ILKAP: variants seen among roughly 807,000 people sequenced by gnomAD.
ILKAP encodes the protein ILK associated serine/threonine phosphatase.
Under a neutral mutation model 49.1 loss-of-function variants are expected in ILKAP, and 11 were observed. The ratio of observed to expected loss-of-function variants is 0.22; its 90% CI spans 0.14 to 0.37. ILKAP has a LOEUF of 0.37. Among genes scored for constraint, ILKAP ranks in the 10% least tolerant of loss-of-function variants. The probability of loss-of-function intolerance (pLI) is 1.00; values close to 1 mark genes in which losing one functional copy is unlikely to be tolerated. For synonymous variants in ILKAP, 186 were observed against 192.8 expected (o/e 0.96, Z 0.29); for missense variants, 363 against 510.8 (o/e 0.71, Z 2.79).
intron 10 of ILKAP, among the ~76,000 whole-genome samples, chr2:238,173,110 C>T (rs1310303833): frequency 1.3e-5 from 2 of 152,164 alleles, no homozygotes; most frequent in African/African-American, 4.8e-5. Flanking sequence ...GGCTGAGGGC[C>T]GGCCCTTCAG....
intron 1 of ILKAP, among the ~76,000 whole-genome samples, chr2:238,198,297 G>A (rs1460493574): frequency 6.6e-6 from 1 of 151,738 alleles, no homozygotes; most frequent in Admixed American, 6.6e-5. Context: ...GGAGTGCAGT[G>A]GTGTGATCAC....
intron 1 of ILKAP, among the ~76,000 whole-genome samples, chr2:238,203,221 C>A (rs1334735037): frequency 6.6e-6 from 1 of 151,054 alleles, no homozygotes. Context: ...GCGCCTTTCA[C>A]CGCCACGCAG....
At chr2:238,182,734 A>C (rs556638992) in intron 8 of ILKAP, among the ~76,000 whole-genome samples, 1 of 152,296 alleles carries the variant, frequency 6.6e-6, no homozygotes, top group South Asian at 2.1e-4. Flanking sequence ...CCAGGATTCA[A>C]ATTTGGGTCT....
chr2:238,200,408 G>T (rs1181466824), intron 1 of ILKAP, among the ~76,000 whole-genome samples: 1 of 152,182 alleles, frequency 6.6e-6, no homozygotes, highest in African/African-American at 2.4e-5. Flanking sequence ...AAAATAAAAA[G>T]ATCTAAACAA....
At chr2:238,195,428 TA>T (rs71043115) in intron 1 of ILKAP, among the ~76,000 whole-genome samples, 41,850 of 151,958 alleles carry the variant, frequency 0.28, 6,167 homozygotes, top group South Asian at 0.37. Context: ...ATGGAGAAAA[TA>T]AAGGAGTTTC....
At chr2:238,189,242 G>T (rs533425538) in intron 4 of ILKAP, among the ~76,000 whole-genome samples, 1 of 152,052 alleles carries the variant, frequency 6.6e-6, no homozygotes, top group East Asian at 1.9e-4. Flanking sequence ...ATGAACCCGG[G>T]AGGCGGAGCT....
At chr2:238,186,252 T>C (rs1325674189) in intron 5 of ILKAP, 1 of 152,262 alleles carries the variant, frequency 6.6e-6, no homozygotes, top group African/African-American at 2.4e-5. Flanking sequence ...AGCATGTTAC[T>C]GCACTAAATA....
At chr2:238,174,453 C>T (rs1693359641) in intron 9 of ILKAP, among the ~76,000 whole-genome samples, 1 of 152,224 alleles carries the variant, frequency 6.6e-6, no homozygotes, top group Non-Finnish European at 1.5e-5. Flanking sequence ...CCATACTCAA[C>T]GTGTGAGAGA....
Position 238,188,486 on chromosome 2 carries a change from A to C in ILKAP, c.299-229T>G. On this transcript the variant is annotated intron_variant, in intron 4 of 11. Coordinates refer to ENST00000254654, the MANE Select transcript of ILKAP (RefSeq NM_030768.3). ...TCTAAGAGGTTGCACAGGGACACAA[A>C]AGAGGAGTCAGTGAGCACAAAACAA... 6.6e-6 allele frequency: 3 copies of C among 452,260 alleles called. No homozygotes were observed. The East Asian group carries it at 1.1e-4, about 17-fold the overall frequency. The allele number at this position is 452,260 out of a possible 1,614,324, so 28.0% of individuals were successfully genotyped here.
At chr2:238,176,668 G>GAC (rs1693473666) in intron 9 of ILKAP, among the ~76,000 whole-genome samples, 1 of 149,432 alleles carries the variant, frequency 6.7e-6, no homozygotes, top group South Asian at 2.1e-4. Context: ...TTTCTCCAGA[G>GAC]AGAGAGAGAG....
At chr2:238,181,359 G>T (rs995857202) in intron 9 of ILKAP, among the ~76,000 whole-genome samples, 1 of 152,192 alleles carries the variant, frequency 6.6e-6, no homozygotes. Flanking sequence ...GAATTCTAAA[G>T]AAAAGACTTA....
At chr2:238,202,909 G>A (rs887402841) in intron 1 of ILKAP, among the ~76,000 whole-genome samples, 36 of 150,704 alleles carry the variant, frequency 2.4e-4, no homozygotes, top group African/African-American at 8.3e-4. Context: ...AAAAACTACT[G>A]TTAATTATCA....
chr2:238,191,029 A>C (rs1040124289), intron 3 of ILKAP, among the ~76,000 whole-genome samples: 2 of 151,930 alleles, frequency 1.3e-5, no homozygotes, highest in Non-Finnish European at 1.5e-5. Flanking sequence ...ATCACAGTTT[A>C]CTGCAGCCTC....
rs565988264 is a variant in ILKAP at position 238,181,972 on chromosome 2, G to A, written c.836+93C>T. On this transcript the variant is annotated intron_variant, in intron 9 of 11. Transcript: ENST00000254654. Reference sequence around the variant, plus strand: ...AGAGCCTCGTCACACTGAAGACTACGTAACAGGGGAAGTTCTACTCCTTGA... The same window carrying A: ...AGAGCCTCGTCACACTGAAGACTACATAACAGGGGAAGTTCTACTCCTTGA... 1.7e-3 allele frequency: 2,369 copies of A among 1,362,480 alleles called. 4 individuals are homozygous for A. Among genetic ancestry groups the A allele is most frequent in the Non-Finnish European group, 1.6e-3 (1,563 of 978,212 alleles). The allele number at this position is 1,362,480 out of a possible 1,614,324, so 84.4% of individuals were successfully genotyped here.
chr2:238,201,814 C>T (rs544212068), intron 1 of ILKAP, among the ~76,000 whole-genome samples: 1 of 152,156 alleles, frequency 6.6e-6, no homozygotes, highest in Non-Finnish European at 1.5e-5. Flanking sequence ...AGAAAAAAGA[C>T]TGCTACACAA....
At position 238,203,688 on chromosome 2, in the gene ILKAP, G is replaced by A. The variant is rs1428858517; in HGVS notation, c.-135C>T. The A allele has an allele frequency of 3.6e-5, 12 of 334,590 alleles. No individual in the cohort carries two copies. The highest frequency in any genetic ancestry group is 1.8e-4 in the African/African-American group (8 of 44,800). 20.7% of individuals were successfully genotyped at this position (334,590 alleles called of 1,614,324 possible). A position where few individuals can be genotyped will look rare whatever the true frequency, so the allele number is the denominator to read the frequency against. On this transcript the variant is annotated 5_prime_UTR_variant, in exon 1 of 12. Coordinates refer to ENST00000254654, the MANE Select transcript of ILKAP (RefSeq NM_030768.3). ...CGGCCGGCGCCGTCAGTCACCTGCAGGGAGAGTCCCGGACGCCACCAATCG... is the reference window on the plus strand; with the variant it reads ...CGGCCGGCGCCGTCAGTCACCTGCAAGGAGAGTCCCGGACGCCACCAATCG...
chr2:238,181,963 G>A (rs1693712380), intron 9 of ILKAP, 102 bp downstream of exon 9: 2 of 1,261,622 alleles, frequency 1.6e-6, no homozygotes, highest in Non-Finnish European at 2.2e-6. Flanking sequence ...TCGTCACACT[G>A]AAGACTACGT....
In ILKAP at chr2:238,182,180, A is replaced by T; in HGVS notation, c.721T>A (p.Leu241Met). 2.5e-6 allele frequency: 4 copies of T among 1,613,594 alleles called. No individual in the cohort carries two copies. Among genetic ancestry groups the T allele is most frequent in the Non-Finnish European group, 2.5e-6 (3 of 1,179,596 alleles). The stretch of plus-strand genomic sequence containing the variant: ...TGACTCTCCTCATTATAACGACACA[A>T]GATTGCCTGGGAAGATGGAGATTGT... The part of the protein sequence containing the change: ...IANLGDSRAI[L>M]CRYNEESQKH... Residue 241 changes from leucine to methionine, a missense_variant, in exon 9 of 12, where the codon TTG (leucine) becomes ATG (methionine). Around this residue, in one of 3 missense-constraint regions of ILKAP, gnomAD observed 166 missense variants for 307.3 expected, o/e 0.54. Coordinates refer to ENST00000254654, the MANE Select transcript of ILKAP (RefSeq NM_030768.3).
At chr2:238,173,389 A>G in intron 10 of ILKAP, 145 bp downstream of exon 10, 3 of 1,065,312 alleles carry the variant, frequency 2.8e-6, no homozygotes, top group Non-Finnish European at 4.0e-6. Flanking sequence ...ACCAGAGCAG[A>G]AACCACATTT....
Sources: allele counts gnomAD v4.1 joint callset (sites outside exome capture counted in the v4.1 genomes callset), GRCh38; gene constraint gnomAD v4.1.1; regional missense constraint gnomAD v4.1.1; transcripts MANE v1.5; gene names NCBI Gene and HGNC (gene_info 2026-07-23, HGNC 2026-07-21).